MYRIP: variants seen among roughly 807,000 people sequenced by gnomAD.
The protein encoded by MYRIP is rab effector MyRIP.
In MYRIP, 49 loss-of-function variants were observed where a neutral mutation model predicts 98.0. The ratio of observed to expected loss-of-function variants is 0.50; its 90% CI spans 0.40 to 0.63. The LOEUF (loss-of-function observed/expected upper bound fraction) is 0.63, where lower values mean the gene tolerates loss of function less well. MYRIP is among the 30% of genes least tolerant of loss of function. The pLI, the probability that MYRIP is intolerant of heterozygous loss-of-function variation, is 0.00. For missense variants in MYRIP, 1,004 were observed against 1,058.2 expected, an observed-to-expected ratio of 0.95 and a Z score of 0.71; for synonymous variants, 404 against 409.5, an observed-to-expected ratio of 0.99 and a Z score of 0.16.
intron 3 of MYRIP, among the ~76,000 whole-genome samples, chr3:40,116,736 TG>T (rs1949290299): frequency 6.6e-6 from 1 of 152,220 alleles, no homozygotes; most frequent in East Asian, 1.9e-4. Flanking sequence ...ACATCCCTTG[TG>T]GATGCTGCAG....
At chr3:40,154,759 G>A (rs1352791260) in intron 4 of MYRIP, among the ~76,000 whole-genome samples, 1 of 151,794 alleles carries the variant, frequency 6.6e-6, no homozygotes, top group African/African-American at 2.4e-5. Flanking sequence ...TCCATGTGTT[G>A]TCACTGTTCA....
chr3:40,140,066 A>T (rs1455579386), intron 3 of MYRIP, among the ~76,000 whole-genome samples: 1 of 152,220 alleles, frequency 6.6e-6, no homozygotes, highest in Non-Finnish European at 1.5e-5. Context: ...AGGGACTTGC[A>T]AACAGAAGCC....
chr3:39,994,844 C>G (rs138718778), intron 2 of MYRIP, among the ~76,000 whole-genome samples: 2 of 152,172 alleles, frequency 1.3e-5, no homozygotes, highest in Non-Finnish European at 1.5e-5. Context: ...ACAAAACTTC[C>G]AGAGGAACAA....
intron 3 of MYRIP, among the ~76,000 whole-genome samples, chr3:40,130,672 G>A (rs529767391): frequency 4.6e-5 from 7 of 152,110 alleles, no homozygotes; most frequent in African/African-American, 1.2e-4. Context: ...GAGCCACCGC[G>A]CCCGGCCTCT....
intron 3 of MYRIP, among the ~76,000 whole-genome samples, chr3:40,107,058 T>G (rs1949062905): frequency 6.6e-6 from 1 of 152,272 alleles, no homozygotes; most frequent in African/African-American, 2.4e-5. Context: ...ACGTGCCTTA[T>G]CAATAGATTA....
At chr3:40,231,724 T>C (rs536853898) in intron 11 of MYRIP, among the ~76,000 whole-genome samples, 3 of 152,312 alleles carry the variant, frequency 2.0e-5, no homozygotes, top group African/African-American at 7.2e-5. Flanking sequence ...TGTTTGGAAA[T>C]TTGTGTAAAT....
rs191284032 is a variant in MYRIP at position 40,152,085 on chromosome 3, T to G, written c.469+901T>G. On this transcript the variant is annotated intron_variant, in intron 4 of 16. Transcript: ENST00000302541. Reference sequence around the variant, plus strand: ...GTCTTTTGTTGTCATTATTAGAATTTCTGTCTTTCAAACTGCTCAGGAAAG... The same window carrying G: ...GTCTTTTGTTGTCATTATTAGAATTGCTGTCTTTCAAACTGCTCAGGAAAG... 3.3e-4 allele frequency among the ~76,000 whole-genome samples: 50 copies of G among 152,350 alleles called. No individual in the cohort carries two copies. The Middle Eastern group carries it at 0.01, about 31-fold the overall frequency.
intron 1 of MYRIP, among the ~76,000 whole-genome samples, chr3:39,816,334 G>A (rs931213888): frequency 6.6e-6 from 1 of 151,990 alleles, no homozygotes; most frequent in Non-Finnish European, 1.5e-5. Flanking sequence ...CACCCGCCTC[G>A]GCCTCCCAAA....
At chr3:40,216,658 T>C (rs746140671) in intron 11 of MYRIP, among the ~76,000 whole-genome samples, 6 of 152,202 alleles carry the variant, frequency 3.9e-5, no homozygotes, top group Admixed American at 6.6e-5. Flanking sequence ...AAGCACATCA[T>C]AATCTCAACT....
chr3:40,154,738 C>T (rs927095000), intron 4 of MYRIP, among the ~76,000 whole-genome samples: 2 of 152,014 alleles, frequency 1.3e-5, no homozygotes, highest in Non-Finnish European at 2.9e-5. Context: ...TGCATTGTTC[C>T]CCCTGCTGTG....
chr3:39,860,293 C>G (rs1942431581), intron 1 of MYRIP, among the ~76,000 whole-genome samples: 1 of 152,176 alleles, frequency 6.6e-6, no homozygotes, highest in African/African-American at 2.4e-5. Context: ...CCCATGAACA[C>G]TTGAGCTTGC....
At chr3:40,155,007 A>G (rs1245654303) in intron 4 of MYRIP, among the ~76,000 whole-genome samples, 3 of 151,960 alleles carry the variant, frequency 2.0e-5, no homozygotes, top group Non-Finnish European at 4.4e-5. Flanking sequence ...TATTATTATT[A>G]TACTTTAAGT....
chr3:40,143,683 G>C (rs1417630145), intron 3 of MYRIP, among the ~76,000 whole-genome samples: 1 of 152,068 alleles, frequency 6.6e-6, no homozygotes, highest in African/African-American at 2.4e-5. Context: ...CAATAATTGT[G>C]TATATTTATG....
At chr3:40,187,198 A>G (rs1951061729) in intron 9 of MYRIP, among the ~76,000 whole-genome samples, 1 of 152,230 alleles carries the variant, frequency 6.6e-6, no homozygotes, top group Non-Finnish European at 1.5e-5. Flanking sequence ...TATAGCAGGC[A>G]CTAGGATTGA....
rs558157725 is a variant in MYRIP at position 40,107,976 on chromosome 3, C to T, written c.333-43072C>T. ...CAAAACCAACTGCATCCGTGTCCCA[C>T]ATTTGAGAATGGCCATTCTGACATT... On this transcript the variant is annotated intron_variant, in intron 3 of 16. Coordinates refer to ENST00000302541, the MANE Select transcript of MYRIP (RefSeq NM_015460.4). Among the ~76,000 whole-genome samples the T allele has an allele frequency of 1.9e-3, 292 of 152,308 alleles. 2 individuals are homozygous for T. The highest frequency in any genetic ancestry group is 6.8e-3 in the African/African-American group (282 of 41,554).
intron 3 of MYRIP, among the ~76,000 whole-genome samples, chr3:40,076,879 T>G (rs1038138492): frequency 6.6e-6 from 1 of 152,232 alleles, no homozygotes; most frequent in African/African-American, 2.4e-5. Flanking sequence ...TCTTCATAAT[T>G]TTCTGTATTT....
intron 3 of MYRIP, among the ~76,000 whole-genome samples, chr3:40,129,936 T>C (rs956826956): frequency 6.6e-6 from 1 of 152,224 alleles, no homozygotes; most frequent in East Asian, 1.9e-4. Flanking sequence ...ACAAATTTAC[T>C]TGTGTCATAG....
chr3:40,177,073 TAA>T (rs78605256), intron 8 of MYRIP, among the ~76,000 whole-genome samples: 9 of 135,116 alleles, frequency 6.7e-5, no homozygotes, highest in Admixed American at 7.4e-5. Context: ...AGACCCTGTC[TAA>T]AAAAAAAAAA....
chr3:40,100,678 T>C (rs533227089), intron 3 of MYRIP, among the ~76,000 whole-genome samples: 143 of 152,246 alleles, frequency 9.4e-4, no homozygotes, highest in African/African-American at 3.4e-3. Context: ...CAGCAGGGAG[T>C]GGGAAAGTCA....
Sources: allele counts gnomAD v4.1 joint callset (sites outside exome capture counted in the v4.1 genomes callset), GRCh38; gene constraint gnomAD v4.1.1; transcripts MANE v1.5; gene names NCBI Gene and HGNC (gene_info 2026-07-23, HGNC 2026-07-21).